CD38: variants seen among roughly 807,000 people sequenced by gnomAD.
The protein encoded by CD38 is CD38 molecule.
A neutral mutation model predicts 36.3 loss-of-function variants in CD38; 31 were observed. The observed-to-expected ratio is 0.85, with a 90% confidence interval of 0.64 to 1.15. The LOEUF is 1.15. CD38 is among the 50% of genes most tolerant of loss of function. CD38 has a pLI of 0.00. For missense variants in CD38, 380 were observed against 371.9 expected, an observed-to-expected ratio of 1.02 and a Z score of -0.18; for synonymous variants, 131 against 135.2, an observed-to-expected ratio of 0.97 and a Z score of 0.22.
At chr4:15,789,436 C>T (rs759615712) in intron 1 of CD38, among the ~76,000 whole-genome samples, 7 of 152,012 alleles carry the variant, frequency 4.6e-5, no homozygotes, top group Admixed American at 6.5e-5. Context: ...CTTGAGGCAC[C>T]GAGTACATTT....
In CD38 at chr4:15,837,175, G is replaced by A. The variant is rs570617548; in HGVS notation, c.586-917G>A. Among the ~76,000 whole-genome samples the A allele has an allele frequency of 2.4e-3, 371 of 152,224 alleles. 2 individuals are homozygous for A. The highest frequency in any genetic ancestry group is 4.4e-3 in the Non-Finnish European group (302 of 68,014). ...TTATATGTATCAAGAACCTCCTTGCGTTCCCCACTCAGTCCCTGGCACTAG... is the reference window on the plus strand; with the variant it reads ...TTATATGTATCAAGAACCTCCTTGCATTCCCCACTCAGTCCCTGGCACTAG... On this transcript the variant is annotated intron_variant, in intron 4 of 7. Coordinates refer to ENST00000226279, the MANE Select transcript of CD38 (RefSeq NM_001775.4).
rs1351403542 is a variant in CD38 at position 15,849,181 on chromosome 4, A to AT, written c.*585dup. Reference sequence around the variant, plus strand: ...AGTGCTGTGAGGTTGGTATTATTTCATTTTTTAGATGAGAAAATGGGAGCT... The same window carrying AT: ...AGTGCTGTGAGGTTGGTATTATTTCATTTTTTTAGATGAGAAAATGGGAGCT... On this transcript the variant is annotated 3_prime_UTR_variant, in exon 8 of 8. Coordinates refer to ENST00000226279, the MANE Select transcript of CD38 (RefSeq NM_001775.4). The AT allele has an allele frequency of 1.3e-5, 2 of 152,098 alleles. No individual in the cohort carries two copies. Among genetic ancestry groups the AT allele is most frequent in the African/African-American group, 4.8e-5 (2 of 41,408 alleles). 9.4% of individuals were successfully genotyped at this position (152,098 alleles called of 1,614,324 possible).
rs956303418 is a variant in CD38, at chr4:15,849,802, T to C, written c.*1200T>C. ...GATTTACGTATTCAGCTTCTTGAGA[T>C]GGAAGTTTAGATCACTGATCCTTCA... On this transcript the variant is annotated 3_prime_UTR_variant, in exon 8 of 8. Transcript: ENST00000226279. 4 of 152,214 alleles carry C rather than the reference T, an allele frequency of 2.6e-5. No individual in the cohort carries two copies. Among genetic ancestry groups the C allele is most frequent in the African/African-American group, 9.6e-5 (4 of 41,454 alleles). 9.4% of individuals were successfully genotyped at this position (152,214 alleles called of 1,614,324 possible).
At chr4:15,820,156 T>G (rs965939903) in intron 2 of CD38, among the ~76,000 whole-genome samples, 1 of 152,182 alleles carries the variant, frequency 6.6e-6, no homozygotes, top group African/African-American at 2.4e-5. Context: ...AGGGAATTCG[T>G]CACCACCAGG....
intron 3 of CD38, among the ~76,000 whole-genome samples, chr4:15,833,299 T>A (rs1317595953): frequency 6.6e-6 from 1 of 152,222 alleles, no homozygotes; most frequent in Non-Finnish European, 1.5e-5. Context: ...ACTTCTGGTT[T>A]TTCAGGGCCC....
intron 1 of CD38, among the ~76,000 whole-genome samples, chr4:15,783,447 C>G (rs1231626326): frequency 1.3e-5 from 2 of 152,212 alleles, no homozygotes; most frequent in African/African-American, 4.8e-5. Flanking sequence ...GGCAAGCATG[C>G]AGGGATGGGA....
intron 1 of CD38, among the ~76,000 whole-genome samples, chr4:15,807,445 G>A (rs72616177): frequency 0.1 from 15,973 of 152,156 alleles, 1,372 homozygotes; most frequent in African/African-American, 0.22. Context: ...GATAGGCCAC[G>A]TACACAGTGG....
At chr4:15,820,340 A>G (rs1723704766) in intron 2 of CD38, among the ~76,000 whole-genome samples, 1 of 152,208 alleles carries the variant, frequency 6.6e-6, no homozygotes, top group African/African-American at 2.4e-5. Flanking sequence ...ATTCACACAT[A>G]ACAAATTAAC....
Position 15,778,929 on chromosome 4 carries a change from C to T in CD38, c.233+282C>T, listed in dbSNP as rs1722626313. On this transcript the variant is annotated intron_variant, in intron 1 of 7. Transcript: ENST00000226279. The surrounding 1 kb of genome is among the most constrained non-coding windows in gnomAD (Gnocchi z 4.9). ...AACACTTGGCACCGATGCCCGCCTT[C>T]TGGGCAAGGTGCCCTGAGCCCAGCC... 6.6e-6 allele frequency among the ~76,000 whole-genome samples: 1 copy of T among 152,138 alleles called. No individual in the cohort carries two copies. Among genetic ancestry groups the T allele is most frequent in the South Asian group, 2.1e-4 (1 of 4,836 alleles).
intron 1 of CD38, among the ~76,000 whole-genome samples, chr4:15,802,184 A>G (rs918412267): frequency 1.3e-5 from 2 of 152,146 alleles, no homozygotes; most frequent in South Asian, 4.1e-4. Flanking sequence ...CCCACTTACA[A>G]TAGCTACCCC....
intron 4 of CD38, 103 bp from the exon 5 acceptor site, chr4:15,837,989 T>C: frequency 1.1e-6 from 1 of 884,920 alleles, no homozygotes; most frequent in Non-Finnish European, 1.8e-6. Context: ...CCATATGGGA[T>C]ATCCTTCCTT....
At chr4:15,826,459 G>GCACACACACACA (rs67475051) in intron 3 of CD38, among the ~76,000 whole-genome samples, 1 of 146,346 alleles carries the variant, frequency 6.8e-6, no homozygotes, top group African/African-American at 2.5e-5. Context: ...ACTTTTGTGC[G>GCACACACACACA]CACACACACA....
At chr4:15,814,304 T>C (rs1409674347) in intron 1 of CD38, among the ~76,000 whole-genome samples, 1 of 152,230 alleles carries the variant, frequency 6.6e-6, no homozygotes, top group Non-Finnish European at 1.5e-5. Flanking sequence ...TGTTTTTTTC[T>C]TGTAAATTTG....
In CD38 at chr4:15,817,280, T is replaced by C. The variant is rs192892544; in HGVS notation, c.363+640T>C. Among the ~76,000 whole-genome samples the C allele has an allele frequency of 5.6e-4, 85 of 152,318 alleles. No homozygotes were observed. In the East Asian group the frequency reaches 0.016, roughly 29 times the overall value. The stretch of plus-strand genomic sequence containing the variant: ...CCTGGATTCTAATACATTGGTTATA[T>C]TGGAAAAGCTCTATCAGAGTGCACC... On this transcript the variant is annotated intron_variant, in intron 2 of 7. Coordinates refer to ENST00000226279, the MANE Select transcript of CD38 (RefSeq NM_001775.4).
chr4:15,787,081 CCTCT>C (rs1228189690), intron 1 of CD38, among the ~76,000 whole-genome samples: 2 of 152,164 alleles, frequency 1.3e-5, no homozygotes, highest in African/African-American at 4.8e-5. Context: ...CCCACGAGCG[CCTCT>C]CTCTCTACAC....
intron 1 of CD38, among the ~76,000 whole-genome samples, chr4:15,783,093 A>G (rs868097749): frequency 2.2e-4 from 33 of 152,192 alleles, no homozygotes; most frequent in African/African-American, 8.0e-4. Context: ...CACACACAAG[A>G]GCTGCCTTCT....
Position 15,816,617 on chromosome 4 carries a change from A to G in CD38, c.340A>G (p.Thr114Ala), listed in dbSNP as rs149195738. The G allele has an allele frequency of 1.1e-3, 1,759 of 1,613,980 alleles. 25 individuals are homozygous for G. Among genetic ancestry groups the G allele is most frequent in the South Asian group, 5.4e-4 (49 of 91,052 alleles). Residue 114 changes from threonine to alanine, a missense_variant, in exon 2 of 8, where the codon ACT (threonine) becomes GCT (alanine). Thr to Ala is a moderately conservative substitution (Grantham distance 58, BLOSUM62 0). Coordinates refer to ENST00000226279, the MANE Select transcript of CD38 (RefSeq NM_001775.4). The part of the protein sequence containing the change: ...EDYQPLMKLG[T>A]QTVPCNKILL... ...CTATCAGCCACTAATGAAGTTGGGA[A>G]CTCAGACCGTACCTTGCAACAAGGT...
rs1375207104 is a variant in CD38 at position 15,848,601 on chromosome 4, G to A, written c.902G>A (p.Ter301=). 3 of 1,612,980 alleles carry A rather than the reference G, an allele frequency of 1.9e-6. No individual in the cohort carries two copies. Among genetic ancestry groups the A allele is most frequent in the East Asian group, 2.2e-5 (1 of 44,886 alleles). ...GATTCATCTTGCACATCTGAGATCT[G>A]AGCCAGTCGCTGTGGTTGTTTTAGC... is the stretch of plus-strand genomic sequence containing the variant. ...PEDSSCTSEI[*] Residue 301 remains the stop codon, a stop_retained_variant, in exon 8 of 8, where the codon TGA becomes TAA. Coordinates refer to ENST00000226279, the MANE Select transcript of CD38 (RefSeq NM_001775.4).
chr4:15,829,618 C>CT (rs1242186906), intron 3 of CD38, among the ~76,000 whole-genome samples: 3 of 152,096 alleles, frequency 2.0e-5, no homozygotes, highest in African/African-American at 4.8e-5. Context: ...GTTGGACAAG[C>CT]TTTTTTTAAA....
Sources: gnomAD v4.1 joint callset for allele counts (sites outside exome capture counted in the v4.1 genomes callset) on GRCh38, gnomAD v4.1.1 for gene constraint, Gnocchi (gnomAD v3.1) non-coding constraint, MANE v1.5 for transcripts, NCBI Gene and HGNC (gene_info 2026-07-23, HGNC 2026-07-21) for gene names.